Variants in ANP32B observed in about 807,000 individuals in gnomAD.
ANP32B encodes the protein acidic nuclear phosphoprotein 32 family member B, also known as acidic leucine-rich nuclear phosphoprotein 32 family member B.
In ANP32B, 6 loss-of-function variants were observed where a neutral mutation model predicts 32.2. That is an observed-to-expected ratio of 0.19 (90% CI 0.10 to 0.37). The LOEUF is 0.37. ANP32B is among the 10% of genes least tolerant of loss of function. ANP32B has a pLI of 1.00. For synonymous variants in ANP32B, 98 were observed against 105.8 expected (o/e 0.93, Z 0.45); for missense variants, 204 against 289.2 (o/e 0.71, Z 2.14).
At position 98,005,244 on chromosome 9, in the gene ANP32B, C is replaced by T. The variant is rs559115006; in HGVS notation, c.517+91C>T. The T allele has an allele frequency of 9.1e-6, 12 of 1,323,380 alleles. No homozygotes were observed. The South Asian group carries it at 1.3e-4, about 14-fold the overall frequency. 82.0% of individuals were successfully genotyped at this position (1,323,380 alleles called of 1,614,324 possible). On this transcript the variant is annotated intron_variant, in intron 4 of 6. Coordinates refer to ENST00000339399, the MANE Select transcript of ANP32B (RefSeq NM_006401.3). ...GATGTTGGCCGGGCGCAGTGGCACACAACCGTAATCCCAGCACTTTGGGTG... is the reference window on the plus strand; with the variant it reads ...GATGTTGGCCGGGCGCAGTGGCACATAACCGTAATCCCAGCACTTTGGGTG...
At chr9:98,000,054 G>T (rs1827964341) in intron 3 of ANP32B, among the ~76,000 whole-genome samples, 1 of 152,210 alleles carries the variant, frequency 6.6e-6, no homozygotes, top group African/African-American at 2.4e-5. Flanking sequence ...AGGACTTCCT[G>T]TCAAGAGTTA....
In ANP32B at chr9:98,005,158, G is replaced by A; in HGVS notation, c.517+5G>A. ...ATGAAGAGGAGGAGGACGAAGGTGAGTAGGCTCAGCATCTGGTGAACCTGA... is the reference window on the plus strand; with the variant it reads ...ATGAAGAGGAGGAGGACGAAGGTGAATAGGCTCAGCATCTGGTGAACCTGA... On this transcript the variant is annotated splice_donor_5th_base_variant and intron_variant, in intron 4 of 6. Transcript: ENST00000339399. 3.1e-6 allele frequency: 5 copies of A among 1,612,148 alleles called. No individual in the cohort carries two copies. Among genetic ancestry groups the A allele is most frequent in the Non-Finnish European group, 4.2e-6 (5 of 1,179,164 alleles).
chr9:97,995,986 T>A (rs912503980), intron 2 of ANP32B, among the ~76,000 whole-genome samples: 10 of 152,084 alleles, frequency 6.6e-5, no homozygotes, highest in Non-Finnish European at 1.5e-4. Flanking sequence ...GAAGTATTTT[T>A]TGTTTTGCTT....
chr9:98,000,921 CAAAA>C (rs543121018), intron 3 of ANP32B, among the ~76,000 whole-genome samples: 1 of 93,936 alleles, frequency 1.1e-5, no homozygotes, highest in Admixed American at 1.1e-4. Flanking sequence ...GACTCCATCT[CAAAA>C]AAAAAAAAAA....
At chr9:97,992,091 TTTTTTC>T (rs993760804) in intron 1 of ANP32B, among the ~76,000 whole-genome samples, 2 of 152,154 alleles carry the variant, frequency 1.3e-5, no homozygotes, top group African/African-American at 4.8e-5. Flanking sequence ...CGGTGACTTT[TTTTTTC>T]TTTTTCTTTT....
chr9:98,010,283 T>G (rs552153352), intron 4 of ANP32B, among the ~76,000 whole-genome samples: 59 of 151,658 alleles, frequency 3.9e-4, no homozygotes, highest in East Asian at 7.7e-4. Flanking sequence ...TTTGTTTTTT[T>G]TTTTTAAATC....
chr9:97,994,800 C>A lies in ANP32B; in HGVS notation c.204+20C>A. On this transcript the variant is annotated intron_variant, in intron 2 of 6. Transcript: ENST00000339399. Reference sequence around the variant, plus strand: ...AAAAAGGTAAGTGCTTTTTCTTTAACAGTAAAAGAGAACGATCCTGGGAAG... The same window carrying A: ...AAAAAGGTAAGTGCTTTTTCTTTAAAAGTAAAAGAGAACGATCCTGGGAAG... 1 of 1,571,824 alleles carries A rather than the reference C, an allele frequency of 6.4e-7. No individual in the cohort carries two copies. Among genetic ancestry groups the A allele is most frequent in the Non-Finnish European group, 8.6e-7 (1 of 1,161,910 alleles).
At chr9:97,995,132 A>G (rs1222379047) in intron 2 of ANP32B, among the ~76,000 whole-genome samples, 2 of 152,236 alleles carry the variant, frequency 1.3e-5, no homozygotes, top group Non-Finnish European at 2.9e-5. Context: ...ACAATTCTCT[A>G]TCCTTTCGGA....
At chr9:97,986,145 G>A (rs1436309886) in intron 1 of ANP32B, among the ~76,000 whole-genome samples, 1 of 152,186 alleles carries the variant, frequency 6.6e-6, no homozygotes, top group South Asian at 2.1e-4. Flanking sequence ...CAAGTAATCA[G>A]CTTAACCTTC....
At chr9:98,010,107 G>A (rs753995102) in intron 4 of ANP32B, among the ~76,000 whole-genome samples, 5 of 152,042 alleles carry the variant, frequency 3.3e-5, no homozygotes, top group Admixed American at 6.6e-5. Flanking sequence ...GACATTCCTT[G>A]GAAGGTGGGG....
Position 97,983,411 on chromosome 9 carries a change from ACGCCGCC to A in ANP32B, c.-140_-134del. 1 of 644,630 alleles carries A rather than the reference ACGCCGCC, an allele frequency of 1.6e-6. No individual in the cohort carries two copies. Among genetic ancestry groups the A allele is most frequent in the Non-Finnish European group, 2.6e-6 (1 of 386,326 alleles). The allele number at this position is 644,630 out of a possible 1,614,324, so 39.9% of individuals were successfully genotyped here. On this transcript the variant is annotated 5_prime_UTR_variant, in exon 1 of 7. Coordinates refer to ENST00000339399, the MANE Select transcript of ANP32B (RefSeq NM_006401.3). ...CCGGGGGCTCCGCTCGCCTGCCCGC[ACGCCGCC>A]CGCCACCCAGGACCGCGCCGCCGGC... is the stretch of plus-strand genomic sequence containing the variant.
chr9:97,983,639 C>G, intron 1 of ANP32B, 30 bp downstream of exon 1: 1 of 1,522,134 alleles, frequency 6.6e-7, no homozygotes, highest in Non-Finnish European at 8.8e-7. Flanking sequence ...GGTGCCCTCT[C>G]CCCCGATGAC....
rs1827840301 is a variant in ANP32B at position 97,992,247 on chromosome 9, G to C, written c.55-2384G>C. Among the ~76,000 whole-genome samples, 3 of 152,086 alleles carry C rather than the reference G, an allele frequency of 2.0e-5. No individual in the cohort carries two copies. In the South Asian group the frequency reaches 6.2e-4, roughly 32 times the overall value. On this transcript the variant is annotated intron_variant, in intron 1 of 6. Transcript: ENST00000339399. ...TGGGATTACAGGCACACGCCACCAT[G>C]CCTGGCTTATTTTTGTATTTTTAGT...
chr9:98,008,457 G>A (rs142617671), intron 4 of ANP32B, among the ~76,000 whole-genome samples: 1 of 152,210 alleles, frequency 6.6e-6, no homozygotes, highest in Non-Finnish European at 1.5e-5. Context: ...CTTTGTTCAT[G>A]CTTGAAGAGG....
At chr9:98,010,074 C>T (rs1828154113) in intron 4 of ANP32B, among the ~76,000 whole-genome samples, 1 of 152,014 alleles carries the variant, frequency 6.6e-6, no homozygotes, top group Non-Finnish European at 1.5e-5. Context: ...GAAGAACAGC[C>T]ACATGTGCAA....
chr9:98,013,948 G>A (rs1010216856), intron 6 of ANP32B, among the ~76,000 whole-genome samples: 2 of 152,136 alleles, frequency 1.3e-5, no homozygotes, highest in Non-Finnish European at 2.9e-5. Context: ...TGAAGTTGCA[G>A]TGAGGCTATG....
chr9:98,012,118 T>A (rs1187981224), intron 5 of ANP32B, among the ~76,000 whole-genome samples: 2 of 152,224 alleles, frequency 1.3e-5, no homozygotes, highest in African/African-American at 4.8e-5. Context: ...TTTGTCTAAA[T>A]CTGTTTTGAA....
At chr9:97,997,815 A>G (rs1827929269) in intron 2 of ANP32B, among the ~76,000 whole-genome samples, 1 of 152,226 alleles carries the variant, frequency 6.6e-6, no homozygotes, top group Admixed American at 6.5e-5. Flanking sequence ...CCAGGCTCCA[A>G]TTCCTTCTAC....
rs748980963 is a variant in ANP32B, at chr9:97,985,066, G to GCC, written c.54+1466_54+1467dup. Among the ~76,000 whole-genome samples, 168 of 140,858 alleles carry GCC rather than the reference G, an allele frequency of 1.2e-3. 2 individuals carry two copies. Among genetic ancestry groups the GCC allele is most frequent in the East Asian group, 4.1e-3 (19 of 4,688 alleles). The allele number at this position is 140,858 out of a possible 152,430, so 92.4% of individuals were successfully genotyped here. A position where few individuals can be genotyped will look rare whatever the true frequency, so the allele number is the denominator to read the frequency against. On this transcript the variant is annotated intron_variant, in intron 1 of 6. Coordinates refer to ENST00000339399, the MANE Select transcript of ANP32B (RefSeq NM_006401.3). ...TTAGCGCGGCTGCCCGCCGTCGCGA[G>GCC]CCCCCCCCCCGCCGCGGACCGGCGC... is the stretch of plus-strand genomic sequence containing the variant.
Sources: gnomAD v4.1 joint callset for allele counts (sites outside exome capture counted in the v4.1 genomes callset) on GRCh38, gnomAD v4.1.1 for gene constraint, MANE v1.5 for transcripts, NCBI Gene and HGNC (gene_info 2026-07-23, HGNC 2026-07-21) for gene names.